The following SRPK2 variants were observed in gnomAD, a reference collection of about 807,000 sequenced individuals.
SRPK2 encodes SRSF protein kinase 2, also known as SFRS protein kinase 2.
A neutral mutation model predicts 90.8 loss-of-function variants in SRPK2; 21 were observed. That is an observed-to-expected ratio of 0.23 (90% CI 0.16 to 0.33). SRPK2 has a LOEUF of 0.33. Ranked by LOEUF, SRPK2 falls within the 10% of genes least tolerant of loss-of-function variation. The pLI is 1.00. For missense variants in SRPK2, 620 were observed against 869.0 expected (o/e 0.71, Z 3.60); for synonymous variants, 288 against 311.1 (o/e 0.93, Z 0.78).
chr7:105,160,893 A>G (rs1807513429), intron 6 of SRPK2, among the ~76,000 whole-genome samples: 1 of 152,130 alleles, frequency 6.6e-6, no homozygotes, highest in Admixed American at 6.6e-5. Context: ...AAACTGGTGT[A>G]GTATATACAT....
At chr7:105,206,048 A>T (rs980323824) in intron 2 of SRPK2, 1 of 517,540 alleles carries the variant, frequency 1.9e-6, no homozygotes, top group Admixed American at 1.9e-5. Context: ...GGATTCTTGG[A>T]CTGGATAATT....
intron 2 of SRPK2, among the ~76,000 whole-genome samples, chr7:105,289,333 A>G (rs1808637340): frequency 6.6e-6 from 1 of 152,190 alleles, no homozygotes; most frequent in South Asian, 2.1e-4. Flanking sequence ...TCATTATGTA[A>G]TAACAAAATC....
intron 2 of SRPK2, among the ~76,000 whole-genome samples, chr7:105,369,287 C>T (rs1819446085): frequency 6.6e-6 from 1 of 151,976 alleles, no homozygotes; most frequent in Non-Finnish European, 1.5e-5. Context: ...GCTGAGATTA[C>T]AGGAGCATGC....
At chr7:105,122,008 G>C (rs1800453914) in intron 15 of SRPK2, among the ~76,000 whole-genome samples, 1 of 152,146 alleles carries the variant, frequency 6.6e-6, no homozygotes, top group South Asian at 2.1e-4. Flanking sequence ...TGTACACGTA[G>C]AAAGTAAACC....
chr7:105,380,562 C>T (rs1484444273), intron 2 of SRPK2, among the ~76,000 whole-genome samples: 2 of 142,332 alleles, frequency 1.4e-5, no homozygotes, highest in African/African-American at 2.6e-5. Context: ...CTCGCTCTGT[C>T]GCCCAGGCTG....
At position 105,213,773 on chromosome 7, in the gene SRPK2, C is replaced by T. The variant is rs143213028; in HGVS notation, c.72-9988G>A. ...TGAATAAAATGTCACAAAAAAGGAA[C>T]TGTTTACTAAGACTTATATTGGTGA... is the stretch of plus-strand genomic sequence containing the variant. On this transcript the variant is annotated intron_variant, in intron 2 of 15. Transcript: ENST00000393651. Among the ~76,000 whole-genome samples the T allele has an allele frequency of 3.2e-3, 493 of 152,286 alleles. 4 individuals carry two copies. The highest frequency in any genetic ancestry group is 0.011 in the African/African-American group (456 of 41,560).
chr7:105,349,028 C>G (rs1322953761), intron 2 of SRPK2, among the ~76,000 whole-genome samples: 2 of 151,444 alleles, frequency 1.3e-5, no homozygotes, highest in African/African-American at 4.9e-5. Flanking sequence ...TTCCTGTAAT[C>G]CTAGCTACTT....
intron 2 of SRPK2, among the ~76,000 whole-genome samples, chr7:105,380,110 TA>T (rs1391192132): frequency 6.6e-6 from 1 of 152,108 alleles, no homozygotes; most frequent in Non-Finnish European, 1.5e-5. Flanking sequence ...ATCCTATCTC[TA>T]AAAAAGAAAA....
intron 2 of SRPK2, among the ~76,000 whole-genome samples, chr7:105,253,553 G>C (rs1368801313): frequency 6.6e-6 from 1 of 151,998 alleles, no homozygotes; most frequent in African/African-American, 2.4e-5. Context: ...CAAGTATTTA[G>C]AGTTTCAAGA....
chr7:105,384,152 G>T (rs1416793230), intron 2 of SRPK2, among the ~76,000 whole-genome samples: 2 of 152,072 alleles, frequency 1.3e-5, no homozygotes, highest in South Asian at 2.1e-4. Context: ...ATAAATGAAA[G>T]AGATATTTTA....
chr7:105,367,656 T>C (rs768103134), intron 2 of SRPK2, among the ~76,000 whole-genome samples: 2 of 152,188 alleles, frequency 1.3e-5, no homozygotes, highest in African/African-American at 2.4e-5. Flanking sequence ...GTATGGCATA[T>C]ACTACAGTTA....
chr7:105,143,403 T>C, intron 9 of SRPK2, 73 bp from the exon 10 acceptor site: 4 of 1,533,450 alleles, frequency 2.6e-6, no homozygotes, highest in Non-Finnish European at 3.5e-6. Flanking sequence ...ACTAGCAGCA[T>C]GGCAAATAGC....
At chr7:105,204,323 A>T (rs763385440) in intron 2 of SRPK2, among the ~76,000 whole-genome samples, 16 of 152,234 alleles carry the variant, frequency 1.1e-4, no homozygotes, top group Non-Finnish European at 2.1e-4. Flanking sequence ...GCTAAAATAT[A>T]CAAGATTGCC....
chr7:105,252,736 C>CT (rs796434008), intron 2 of SRPK2, among the ~76,000 whole-genome samples: 13 of 126,860 alleles, frequency 1.0e-4, no homozygotes, highest in East Asian at 8.6e-4. Flanking sequence ...TCTTTCTTTT[C>CT]TTTTTTTTTT....
intron 2 of SRPK2, among the ~76,000 whole-genome samples, chr7:105,349,748 C>A (rs1816929269): frequency 6.6e-6 from 1 of 151,128 alleles, no homozygotes; most frequent in Non-Finnish European, 1.5e-5. Flanking sequence ...CGGTGCCTGT[C>A]TTTTTTTTTG....
At chr7:105,393,654 A>G (rs1162440448), upstream of SRPK2, among the ~76,000 whole-genome samples, 1 of 151,616 alleles carries the variant, frequency 6.6e-6, no homozygotes, top group Admixed American at 6.6e-5. Context: ...ATTATTTTTA[A>G]AAAGGCTTTA....
At chr7:105,120,312 G>C (rs73404052) in intron 15 of SRPK2, among the ~76,000 whole-genome samples, 1 of 152,154 alleles carries the variant, frequency 6.6e-6, no homozygotes, top group Non-Finnish European at 1.5e-5. Flanking sequence ...TTTCTGAGGC[G>C]CCAGGTGTTA....
chr7:105,272,712 T>C (rs1480676856), intron 2 of SRPK2, among the ~76,000 whole-genome samples: 3 of 152,246 alleles, frequency 2.0e-5, no homozygotes, highest in African/African-American at 7.2e-5. Context: ...CAGCCCAATA[T>C]TCTCTCCTAC....
rs1812818934 is a variant in SRPK2 at position 105,320,506 on chromosome 7, G to T, written c.71+68142C>A. On this transcript the variant is annotated intron_variant, in intron 2 of 15. Coordinates refer to ENST00000393651, the MANE Select transcript of SRPK2 (RefSeq NM_182692.3). ...CATTTTCAGAAACAGCAACCAGTAA[G>T]CTCATTTCCACAGTACTCAAAACCA... 2.0e-5 allele frequency among the ~76,000 whole-genome samples: 3 copies of T among 152,108 alleles called. No homozygotes were observed. In the South Asian group the frequency reaches 6.2e-4, roughly 32 times the overall value.
Sources: allele counts gnomAD v4.1 joint callset (sites outside exome capture counted in the v4.1 genomes callset), GRCh38; gene constraint gnomAD v4.1.1; transcripts MANE v1.5; gene names NCBI Gene and HGNC (gene_info 2026-07-23, HGNC 2026-07-21).